NALCN: variants seen among roughly 807,000 people sequenced by gnomAD.
NALCN encodes the protein sodium leak channel, non-selective.
NALCN carries 111 observed loss-of-function variants against 225.3 expected under a neutral mutation model. The observed-to-expected ratio is 0.49, with a 90% CI of 0.42 to 0.58. The LOEUF (loss-of-function observed/expected upper bound fraction) is 0.58. NALCN is among the 20% of genes least tolerant of loss of function. The pLI is 0.00. For missense variants in NALCN, 1,378 were observed against 2,202.4 expected, an observed-to-expected ratio of 0.63 and a Z score of 7.49; for synonymous variants, 764 against 769.0, an observed-to-expected ratio of 0.99 and a Z score of 0.11.
At chr13:101,128,051 T>C (rs972259473) in intron 17 of NALCN, among the ~76,000 whole-genome samples, 1 of 152,132 alleles carries the variant, frequency 6.6e-6, no homozygotes, top group East Asian at 1.9e-4. Flanking sequence ...AAATTGTAAA[T>C]TACAGCTATG....
In NALCN at chr13:101,125,008, A is replaced by G. The variant is rs113547308; in HGVS notation, c.2119-327T>C. 5.2e-3 allele frequency among the ~76,000 whole-genome samples: 785 copies of G among 152,226 alleles called. 6 individuals carry two copies. Among genetic ancestry groups the G allele is most frequent in the African/African-American group, 0.018 (758 of 41,536 alleles). On this transcript the variant is annotated intron_variant, in intron 17 of 43. Transcript: ENST00000251127. ...TCCTTATTTGTCTTTGATTAGCGCA[A>G]TGTTCTCTAATCCACATTATGTCTG...
rs200212668 is a variant in NALCN, at chr13:101,292,314, G to A, written c.852C>T (p.Phe284=). 6.2e-7 allele frequency: 1 copy of A among 1,614,054 alleles called. No homozygotes were observed. Among genetic ancestry groups the A allele is most frequent in the East Asian group, 2.2e-5 (1 of 44,874 alleles). Reference sequence around the variant, plus strand: ...AGCTGTCAATTGCTCTGTACATGAGGAACACCCAGCCTTCCTGTGAGGCGG... The same window carrying A: ...AGCTGTCAATTGCTCTGTACATGAGAAACACCCAGCCTTCCTGTGAGGCGG... ...YEAASQEGWV[F]LMYRAIDSFP... The change falls in exon 8 of 44, where the codon TTC becomes TTT. Residue 284 remains phenylalanine (F), a synonymous_variant. Transcript: ENST00000251127. The surrounding 1 kb of genome is among the most constrained non-coding windows in gnomAD (Gnocchi z 4.3).
chr13:101,167,852 C>CA (rs1566372628), intron 15 of NALCN, among the ~76,000 whole-genome samples: 4 of 96,498 alleles, frequency 4.1e-5, no homozygotes, highest in East Asian at 2.1e-4. Flanking sequence ...AAAACAAAAA[C>CA]AAAAACTGTT....
chr13:101,346,087 CTATATATA>C (rs71121188), intron 6 of NALCN, among the ~76,000 whole-genome samples: 2 of 70,938 alleles, frequency 2.8e-5, no homozygotes, highest in African/African-American at 5.6e-5. Context: ...CTCTCTCTCT[CTATATATA>C]TATATATATA....
chr13:101,369,153 G>A (rs375378546), intron 6 of NALCN, among the ~76,000 whole-genome samples: 11 of 134,082 alleles, frequency 8.2e-5, no homozygotes, highest in Admixed American at 5.3e-4. Context: ...CACATAAAAA[G>A]AAGACAAAAT....
At chr13:101,311,188 T>C (rs914417611) in intron 7 of NALCN, among the ~76,000 whole-genome samples, 1 of 151,204 alleles carries the variant, frequency 6.6e-6, no homozygotes, top group Non-Finnish European at 1.5e-5. Flanking sequence ...TAAGAATGCT[T>C]GTGATTTTTG....
At chr13:101,295,510 A>G (rs528138346) in intron 7 of NALCN, among the ~76,000 whole-genome samples, 115 of 152,334 alleles carry the variant, frequency 7.5e-4, no homozygotes, top group Non-Finnish European at 1.5e-3. Flanking sequence ...CACATCTGCA[A>G]GCAAGATGTC....
chr13:101,414,616 C>G (rs1367197824), intron 1 of NALCN, among the ~76,000 whole-genome samples: 1 of 152,186 alleles, frequency 6.6e-6, no homozygotes, highest in African/African-American at 2.4e-5. Context: ...AAATGCTACT[C>G]AAATCTTCAG....
intron 15 of NALCN, among the ~76,000 whole-genome samples, chr13:101,161,976 CT>C (rs2038208220): frequency 6.6e-6 from 1 of 152,196 alleles, no homozygotes; most frequent in African/African-American, 2.4e-5. Context: ...CTCTATACCA[CT>C]CCACCCTGGT....
intron 7 of NALCN, among the ~76,000 whole-genome samples, chr13:101,302,522 T>C (rs977844441): frequency 6.6e-6 from 1 of 152,118 alleles, no homozygotes; most frequent in Non-Finnish European, 1.5e-5. Context: ...AAATGTGAGA[T>C]AAGAAATACA....
chr13:101,224,576 G>A lies in NALCN; in HGVS notation c.1626+4817C>T, dbSNP rs187797919. On this transcript the variant is annotated intron_variant, in intron 13 of 43. Transcript: ENST00000251127. ...CTCCAGAGTGCTGGATATGCTTATC[G>A]CTGTCTTCCTCAGCTTACACAGCCC... 3.9e-4 allele frequency among the ~76,000 whole-genome samples: 60 copies of A among 152,138 alleles called. 2 individuals carry two copies. In the East Asian group the frequency reaches 6.8e-3, roughly 17 times the overall value.
At chr13:101,156,075 A>G (rs985213057) in intron 15 of NALCN, among the ~76,000 whole-genome samples, 13 of 152,114 alleles carry the variant, frequency 8.5e-5, no homozygotes, top group African/African-American at 3.1e-4. Context: ...ATAACCCAGT[A>G]CTTTCCTTAT....
intron 41 of NALCN, 25 bp downstream of exon 41, chr13:101,061,943 A>G (rs1242409120): frequency 6.9e-6 from 11 of 1,602,680 alleles, no homozygotes; most frequent in Non-Finnish European, 7.7e-6. Flanking sequence ...CGGGGACCCA[A>G]CCTGCATGTG....
chr13:101,248,634 C>A (rs573870932), intron 11 of NALCN, among the ~76,000 whole-genome samples: 1 of 152,142 alleles, frequency 6.6e-6, no homozygotes, highest in African/African-American at 2.4e-5. Context: ...TTCCCTGGTT[C>A]TCAGCGCTCT....
intron 15 of NALCN, among the ~76,000 whole-genome samples, chr13:101,149,428 T>C (rs1171042336): frequency 6.6e-6 from 1 of 152,228 alleles, no homozygotes; most frequent in Non-Finnish European, 1.5e-5. Flanking sequence ...AAAATGGGTT[T>C]CACCCGCATT....
chr13:101,272,880 G>A (rs906775942), intron 10 of NALCN, among the ~76,000 whole-genome samples: 3 of 152,154 alleles, frequency 2.0e-5, no homozygotes, highest in Non-Finnish European at 4.4e-5. Flanking sequence ...CACTTGAAAT[G>A]CTCACATCAC....
At chr13:101,275,931 G>A (rs1473318437) in intron 10 of NALCN, among the ~76,000 whole-genome samples, 2 of 151,992 alleles carry the variant, frequency 1.3e-5, no homozygotes, top group East Asian at 3.9e-4. Context: ...GGGCATGGTG[G>A]CGGGCGCCTG....
chr13:101,111,278 T>C, intron 18 of NALCN, 52 bp from the exon 19 acceptor site: 2 of 1,473,008 alleles, frequency 1.4e-6, no homozygotes, highest in Non-Finnish European at 1.9e-6. Context: ...ACACTTGAGA[T>C]GAATAACACA....
intron 6 of NALCN, among the ~76,000 whole-genome samples, chr13:101,362,934 T>G (rs1235176921): frequency 6.6e-6 from 1 of 152,084 alleles, no homozygotes; most frequent in Non-Finnish European, 1.5e-5. Flanking sequence ...AGCATTTATA[T>G]ACACCAACAG....
Sources: gnomAD v4.1 joint callset for allele counts (sites outside exome capture counted in the v4.1 genomes callset) on GRCh38, gnomAD v4.1.1 for gene constraint, Gnocchi (gnomAD v3.1) non-coding constraint, MANE v1.5 for transcripts, NCBI Gene and HGNC (gene_info 2026-07-23, HGNC 2026-07-21) for gene names.